The following XRCC4 variants were observed in gnomAD, a reference collection of about 807,000 sequenced individuals.
The protein encoded by XRCC4 is X-ray repair cross complementing 4, also known as DNA repair protein XRCC4.
XRCC4 carries 28 observed loss-of-function variants against 39.1 expected under a neutral mutation model. The ratio of observed to expected loss-of-function variants is 0.72; its 90% CI spans 0.53 to 0.98. XRCC4 has a LOEUF of 0.98. Among genes scored for constraint, XRCC4 ranks in the 50% least tolerant of loss-of-function variants. The pLI, the probability that XRCC4 is intolerant of heterozygous loss-of-function variation, is 0.00. For missense variants in XRCC4, 350 were observed against 376.4 expected, an observed-to-expected ratio of 0.93 and a Z score of 0.58; for synonymous variants, 123 against 126.4, an observed-to-expected ratio of 0.97 and a Z score of 0.18.
chr5:83,118,596 C>CT (rs1172097213), intron 3 of XRCC4, among the ~76,000 whole-genome samples: 1 of 152,178 alleles, frequency 6.6e-6, no homozygotes, highest in African/African-American at 2.4e-5. Flanking sequence ...TGTGCTTTTT[C>CT]TTTAAGACAG....
At chr5:83,248,008 A>G (rs1753171719) in intron 6 of XRCC4, among the ~76,000 whole-genome samples, 1 of 152,016 alleles carries the variant, frequency 6.6e-6, no homozygotes, top group East Asian at 1.9e-4. Context: ...CACAGAGGAG[A>G]CTTTGGAATA....
intron 1 of XRCC4, among the ~76,000 whole-genome samples, chr5:83,083,676 G>A (rs772364701): frequency 6.6e-6 from 1 of 151,930 alleles, no homozygotes; most frequent in Non-Finnish European, 1.5e-5. Context: ...TGGGATTACA[G>A]GCATGAGCCA....
In XRCC4 at chr5:83,233,938, A is replaced by G. The variant is rs1404602092; in HGVS notation, c.746-24592A>G. 2.0e-5 allele frequency among the ~76,000 whole-genome samples: 3 copies of G among 151,546 alleles called. No homozygotes were observed. In the East Asian group the frequency reaches 5.8e-4, roughly 30 times the overall value. ...AAAAAAAAGAATTCTAGCTATCAAC[A>G]ACAATCACCGAGTGATAGACAGCAC... On this transcript the variant is annotated intron_variant, in intron 6 of 7. Transcript: ENST00000396027.
chr5:83,128,207 AGT>A (rs1309344913), intron 3 of XRCC4, among the ~76,000 whole-genome samples: 2 of 152,024 alleles, frequency 1.3e-5, no homozygotes, highest in African/African-American at 4.8e-5. Flanking sequence ...CCCACCTATG[AGT>A]GAGAACATGT....
At chr5:83,217,657 G>C (rs1751916060) in intron 6 of XRCC4, among the ~76,000 whole-genome samples, 1 of 152,144 alleles carries the variant, frequency 6.6e-6, no homozygotes, top group Admixed American at 6.5e-5. Context: ...TGTAGCCTGT[G>C]TAACTCTTAC....
chr5:83,161,670 A>C (rs901501722), intron 3 of XRCC4, among the ~76,000 whole-genome samples: 4 of 152,214 alleles, frequency 2.6e-5, no homozygotes, highest in African/African-American at 9.7e-5. Flanking sequence ...GATTGCTGCA[A>C]GTTACTCATG....
chr5:83,186,039 A>G (rs1317256866), intron 3 of XRCC4, among the ~76,000 whole-genome samples: 1 of 152,194 alleles, frequency 6.6e-6, no homozygotes, highest in Non-Finnish European at 1.5e-5. Context: ...TACTATGAGC[A>G]TAGAGCTTAT....
At chr5:83,215,961 T>A (rs1751842721) in intron 6 of XRCC4, among the ~76,000 whole-genome samples, 1 of 151,920 alleles carries the variant, frequency 6.6e-6, no homozygotes, top group African/African-American at 2.4e-5. Flanking sequence ...ATTGATAAAT[T>A]GGATTTCGTC....
At chr5:83,314,942 A>G (rs967260016) in intron 7 of XRCC4, among the ~76,000 whole-genome samples, 3 of 152,132 alleles carry the variant, frequency 2.0e-5, no homozygotes, top group Admixed American at 2.0e-4. Flanking sequence ...GAAGAGTTGC[A>G]CGTCTTTCAT....
intron 3 of XRCC4, among the ~76,000 whole-genome samples, chr5:83,133,194 C>T (rs1747693612): frequency 6.6e-6 from 1 of 151,764 alleles, no homozygotes; most frequent in African/African-American, 2.4e-5. Context: ...TCGGAGGCTG[C>T]AGAATAGCAA....
intron 7 of XRCC4, among the ~76,000 whole-genome samples, chr5:83,334,519 T>C (rs546080008): frequency 1.3e-5 from 2 of 152,178 alleles, no homozygotes; most frequent in East Asian, 1.9e-4. Flanking sequence ...TATGAGGTTA[T>C]TGAAAATGAT....
At chr5:83,364,326 T>G in the XRCC4 span, among the ~76,000 whole-genome samples, 190 of 152,206 alleles carry the variant, frequency 1.2e-3, no homozygotes, top group African/African-American at 4.4e-3. Flanking sequence ...GGCTAATATT[T>G]TTAACATGTT....
At chr5:83,117,315 G>A (rs1211444849) in intron 3 of XRCC4, among the ~76,000 whole-genome samples, 1 of 152,106 alleles carries the variant, frequency 6.6e-6, no homozygotes, top group Admixed American at 6.5e-5. Context: ...GAGATCATTT[G>A]TGTGCTTTGG....
At chr5:83,239,657 G>A (rs949621220) in intron 6 of XRCC4, among the ~76,000 whole-genome samples, 7 of 141,172 alleles carry the variant, frequency 5.0e-5, no homozygotes, top group Admixed American at 1.4e-4. Context: ...GTGAAACCCC[G>A]TCTCTACTAA....
At chr5:83,345,976 GTGTTT>G (rs1248273460) in intron 7 of XRCC4, among the ~76,000 whole-genome samples, 5 of 152,080 alleles carry the variant, frequency 3.3e-5, no homozygotes, top group Non-Finnish European at 7.4e-5. Context: ...CTGTGTGTGT[GTGTTT>G]TAACACAGTA....
At chr5:83,135,402 T>G (rs1747846168) in intron 3 of XRCC4, among the ~76,000 whole-genome samples, 1 of 152,050 alleles carries the variant, frequency 6.6e-6, no homozygotes, top group Non-Finnish European at 1.5e-5. Flanking sequence ...TTTTTTTTTT[T>G]TCCTCAGCTG....
chr5:83,270,799 T>TG (rs1293428516), intron 7 of XRCC4, among the ~76,000 whole-genome samples: 1 of 149,600 alleles, frequency 6.7e-6, no homozygotes, highest in African/African-American at 2.5e-5. Context: ...ATATATTTTT[T>TG]TTTTGAGACA....
chr5:83,333,189 G>A (rs2112173654), intron 7 of XRCC4, among the ~76,000 whole-genome samples: 1 of 151,936 alleles, frequency 6.6e-6, no homozygotes, highest in Middle Eastern at 3.4e-3. Flanking sequence ...ACTCTTATTT[G>A]CACAGAGAAA....
intron 3 of XRCC4, among the ~76,000 whole-genome samples, chr5:83,148,510 G>A (rs1240620472): frequency 6.6e-6 from 1 of 152,104 alleles, no homozygotes; most frequent in Admixed American, 6.5e-5. Context: ...TATTCTTTGA[G>A]TACTCTGAGA....
Sources: allele counts gnomAD v4.1 joint callset (sites outside exome capture counted in the v4.1 genomes callset), GRCh38; gene constraint gnomAD v4.1.1; transcripts MANE v1.5; gene names NCBI Gene and HGNC (gene_info 2026-07-23, HGNC 2026-07-21).